Variants in RERE observed in about 807,000 individuals in gnomAD.
RERE encodes arginine-glutamic acid dipeptide repeats protein.
In RERE, 40 loss-of-function variants were observed where a neutral mutation model predicts 146.1. That is an observed-to-expected ratio of 0.27 (90% CI 0.21 to 0.36). RERE has a LOEUF of 0.36. Ranked by LOEUF, RERE falls within the 10% of genes least tolerant of loss-of-function variation. RERE has a pLI of 1.00. For missense variants in RERE, 1,933 were observed against 2,138.7 expected (o/e 0.90, Z 1.90); for synonymous variants, 1,003 against 866.0 (o/e 1.16, Z -2.78).
intron 12 of RERE, among the ~76,000 whole-genome samples, chr1:8,386,098 C>T (rs1174351299): frequency 8.3e-6 from 1 of 120,500 alleles, no homozygotes; most frequent in Non-Finnish European, 1.6e-5. Context: ...AGTTTCTAAG[C>T]TTCCATGTAG....
intron 1 of RERE, among the ~76,000 whole-genome samples, chr1:8,669,024 CTGTGTGTGTGTGTGTGTGTGTG>C (rs59647434): frequency 1.6e-4 from 7 of 43,840 alleles, no homozygotes; most frequent in Non-Finnish European, 2.2e-4. Context: ...GCACTCAACT[CTGTGTGTGTGTGTGTGTGTGTG>C]TGTGTGTGTG....
In RERE at chr1:8,817,609, T is replaced by A. The variant is rs901811537; in HGVS notation, c.-594A>T. ...GGGGTGTGCGGGAGGCTGAGGAGGCTCCGGAGCGCGGAGGGTTGCTCGCGA... is the reference window on the plus strand; with the variant it reads ...GGGGTGTGCGGGAGGCTGAGGAGGCACCGGAGCGCGGAGGGTTGCTCGCGA... On this transcript the variant is annotated 5_prime_UTR_variant, in exon 1 of 23. Transcript: ENST00000400908. The A allele has an allele frequency of 6.7e-6, 1 of 150,278 alleles. No individual in the cohort carries two copies. 9.3% of individuals were successfully genotyped at this position (150,278 alleles called of 1,614,324 possible). A position where few individuals can be genotyped will look rare whatever the true frequency, so the allele number is the denominator to read the frequency against.
At chr1:8,791,366 C>T (rs1010282965) in intron 1 of RERE, among the ~76,000 whole-genome samples, 6 of 152,120 alleles carry the variant, frequency 3.9e-5, no homozygotes. Flanking sequence ...TTTTTCATAT[C>T]TGTTCCCCAC....
At chr1:8,526,110 G>C in intron 7 of RERE, 1 of 1,070,558 alleles carries the variant, frequency 9.3e-7, no homozygotes, top group Admixed American at 5.4e-5. Flanking sequence ...CACCAAGCTA[G>C]TGTGCAGGGA....
At chr1:8,570,697 C>G (rs1171509532) in intron 4 of RERE, among the ~76,000 whole-genome samples, 2 of 152,132 alleles carry the variant, frequency 1.3e-5, no homozygotes, top group Non-Finnish European at 2.9e-5. Flanking sequence ...CCTACAGACC[C>G]CTGGACCATA....
At chr1:8,791,091 C>T (rs757396531) in intron 1 of RERE, among the ~76,000 whole-genome samples, 4 of 152,124 alleles carry the variant, frequency 2.6e-5, no homozygotes, top group Non-Finnish European at 5.9e-5. Context: ...GAGAATACAA[C>T]CTCTTCCAAA....
At position 8,557,510 on chromosome 1, in the gene RERE, T is replaced by C; in HGVS notation, c.536A>G (p.His179Arg). 6.2e-7 allele frequency: 1 copy of C among 1,610,442 alleles called. No individual in the cohort carries two copies. The highest frequency in any genetic ancestry group is 8.5e-7 in the Non-Finnish European group (1 of 1,176,660). The change falls in exon 5 of 23, where the codon CAT becomes CGT. Residue 179 changes from histidine (H) to arginine (R), a missense_variant. Physicochemically the swap from His to Arg is conservative, Grantham distance 29. Around this residue, in one of 11 missense-constraint regions of RERE, gnomAD observed 74 missense variants for 99.6 expected, o/e 0.74. Transcript: ENST00000400908. ...GRGPVGSKRDHLLMNVKWYYR... is the reference protein window; with the variant it reads ...GRGPVGSKRDRLLMNVKWYYR... Reference sequence around the variant, plus strand: ...GTACCATTTGACGTTCATGAGGAGATGGTCCCTCTTACTCTGAAAAGGAAA... The same window carrying C: ...GTACCATTTGACGTTCATGAGGAGACGGTCCCTCTTACTCTGAAAAGGAAA...
intron 1 of RERE, among the ~76,000 whole-genome samples, chr1:8,682,569 T>G (rs969709159): frequency 6.6e-6 from 1 of 152,228 alleles, no homozygotes; most frequent in African/African-American, 2.4e-5. Context: ...TATTTCTTGA[T>G]TTCTTTGACA....
chr1:8,449,842 T>A (rs1644369378), intron 11 of RERE, among the ~76,000 whole-genome samples: 1 of 152,210 alleles, frequency 6.6e-6, no homozygotes, highest in East Asian at 1.9e-4. Flanking sequence ...TTGACTGACA[T>A]GAATGATCAG....
At chr1:8,737,984 G>A (rs1640233827) in intron 1 of RERE, among the ~76,000 whole-genome samples, 1 of 152,212 alleles carries the variant, frequency 6.6e-6, no homozygotes. Context: ...AAAGCACACT[G>A]TGGAATATAA....
intron 11 of RERE, among the ~76,000 whole-genome samples, chr1:8,459,989 T>C (rs1644504985): frequency 6.6e-6 from 1 of 152,176 alleles, no homozygotes; most frequent in Non-Finnish European, 1.5e-5. Flanking sequence ...ACCAAGATTA[T>C]TAGTATCTGA....
In RERE at chr1:8,495,818, T is replaced by A. The variant is rs1645037505; in HGVS notation, c.1005-656A>T. Reference sequence around the variant, plus strand: ...TCTCCAGAAAACATGTGAAATTAAGTCATCTAAAATTTTACTTAATTCCTC... The same window carrying A: ...TCTCCAGAAAACATGTGAAATTAAGACATCTAAAATTTTACTTAATTCCTC... On this transcript the variant is annotated intron_variant, in intron 9 of 22. Transcript: ENST00000400908. 2.0e-5 allele frequency among the ~76,000 whole-genome samples: 3 copies of A among 152,142 alleles called. No homozygotes were observed. In the South Asian group the frequency reaches 6.2e-4, roughly 31 times the overall value.
At chr1:8,752,341 G>A (rs940366418) in intron 1 of RERE, among the ~76,000 whole-genome samples, 20 of 151,802 alleles carry the variant, frequency 1.3e-4, no homozygotes, top group Non-Finnish European at 2.5e-4. Context: ...GCATAGCTCA[G>A]GAACATTTTC....
At chr1:8,805,088 G>A (rs192997858) in intron 1 of RERE, among the ~76,000 whole-genome samples, 77 of 134,478 alleles carry the variant, frequency 5.7e-4, no homozygotes, top group African/African-American at 2.1e-3. Context: ...TCGGCTCACC[G>A]CAACCTCGGC....
intron 4 of RERE, among the ~76,000 whole-genome samples, chr1:8,604,501 G>T (rs147061761): frequency 6.7e-6 from 1 of 148,440 alleles, no homozygotes; most frequent in Admixed American, 6.8e-5. Flanking sequence ...AGAGGAGGTC[G>T]GCTGGTTTTC....
intron 1 of RERE, among the ~76,000 whole-genome samples, chr1:8,774,456 C>G (rs549454669): frequency 2.7e-5 from 4 of 147,918 alleles, no homozygotes; most frequent in Non-Finnish European, 5.9e-5. Context: ...TGGGTTCAAG[C>G]GATTCTCCTG....
rs924884937 is a variant in RERE at position 8,498,923 on chromosome 1, C to T, written c.880-1394G>A. Among the ~76,000 whole-genome samples, 15 of 152,176 alleles carry T rather than the reference C, an allele frequency of 9.9e-5. No individual in the cohort carries two copies. In the East Asian group the frequency reaches 1.7e-3, roughly 18 times the overall value. ...TCATCACGGCAGATTGAAAAGCATA[C>T]ATAAGATACGAACAATTCGCTGTAC... On this transcript the variant is annotated intron_variant, in intron 8 of 22. Transcript: ENST00000400908.
intron 11 of RERE, among the ~76,000 whole-genome samples, chr1:8,445,179 T>C (rs1008437821): frequency 1.3e-5 from 2 of 152,222 alleles, no homozygotes; most frequent in African/African-American, 4.8e-5. Context: ...CAGAAATTCT[T>C]TGGGGTACCA....
chr1:8,726,147 C>CTTTTCTTTTTTTTTTTTTTTT (rs1639960710), intron 1 of RERE, among the ~76,000 whole-genome samples: 17 of 69,400 alleles, frequency 2.4e-4, no homozygotes, highest in African/African-American at 1.1e-3. Context: ...TTTTTCTTTT[C>CTTTTCTTTTTTTTTTTTTTTT]TTTTTTTTTT....
Sources: gnomAD v4.1 joint callset for allele counts (sites outside exome capture counted in the v4.1 genomes callset) on GRCh38, gnomAD v4.1.1 for gene constraint, gnomAD v4.1.1 regional missense constraint, MANE v1.5 for transcripts, NCBI Gene and HGNC (gene_info 2026-07-23, HGNC 2026-07-21) for gene names.